RFX3: variants seen among roughly 807,000 people sequenced by gnomAD.
RFX3 encodes regulatory factor X3.
In RFX3, 14 loss-of-function variants were observed where a neutral mutation model predicts 98.6. That is an observed-to-expected ratio of 0.14 (90% CI 0.09 to 0.22). The LOEUF is 0.22. RFX3 is among the 10% of genes least tolerant of loss of function. RFX3 has a pLI of 1.00. For synonymous variants in RFX3, 383 were observed against 328.4 expected (o/e 1.17, Z -1.80); for missense variants, 639 against 926.9 (o/e 0.69, Z 4.03).
At chr9:3,316,313 C>G (rs1424356710) in intron 4 of RFX3, among the ~76,000 whole-genome samples, 1 of 152,102 alleles carries the variant, frequency 6.6e-6, no homozygotes, top group East Asian at 1.9e-4. Flanking sequence ...ACGCCTTTGA[C>G]AAAATTCAAT....
chr9:3,266,788 CTG>C (rs938197255), intron 11 of RFX3, among the ~76,000 whole-genome samples: 1 of 152,128 alleles, frequency 6.6e-6, no homozygotes, highest in African/African-American at 2.4e-5. Flanking sequence ...TACTTAGAAT[CTG>C]TGAATTAGAG....
intron 1 of RFX3, among the ~76,000 whole-genome samples, chr9:3,488,084 C>A (rs981131314): frequency 6.6e-6 from 1 of 152,060 alleles, no homozygotes; most frequent in Non-Finnish European, 1.5e-5. Context: ...CTTTTCCTAC[C>A]ACTCCCGTTC....
chr9:3,312,547 G>A (rs530528427), intron 4 of RFX3, among the ~76,000 whole-genome samples: 4 of 151,670 alleles, frequency 2.6e-5, no homozygotes, highest in Non-Finnish European at 4.4e-5. Context: ...AGAGATTCGG[G>A]ATAAACTGTT....
At chr9:3,345,610 T>C (rs780405538) in intron 3 of RFX3, among the ~76,000 whole-genome samples, 1 of 152,130 alleles carries the variant, frequency 6.6e-6, no homozygotes, top group Non-Finnish European at 1.5e-5. Flanking sequence ...AAGAGTGAAA[T>C]TATTCTCCTT....
At chr9:3,315,797 C>A (rs947358757) in intron 4 of RFX3, among the ~76,000 whole-genome samples, 4 of 152,142 alleles carry the variant, frequency 2.6e-5, no homozygotes, top group Admixed American at 2.6e-4. Context: ...AATTCCTGGA[C>A]ACATACACCC....
In RFX3 at chr9:3,223,447, T is replaced by G. The variant is rs550511092; in HGVS notation, c.*1595A>C. ...GACTGAAAAGATGCACTTCGATAAG[T>G]ACCTGCTTACTTTGTTAACTTTCTA... On this transcript the variant is annotated 3_prime_UTR_variant, in exon 17 of 17. Coordinates refer to ENST00000617270, the MANE Select transcript of RFX3 (RefSeq NM_001282116.2). 6.6e-6 allele frequency: 1 copy of G among 152,332 alleles called. No individual in the cohort carries two copies. Among genetic ancestry groups the G allele is most frequent in the East Asian group, 1.9e-4 (1 of 5,174 alleles). 9.4% of individuals were successfully genotyped at this position (152,332 alleles called of 1,614,324 possible).
At chr9:3,323,042 C>G (rs1831490111) in intron 4 of RFX3, among the ~76,000 whole-genome samples, 1 of 152,150 alleles carries the variant, frequency 6.6e-6, no homozygotes, top group Non-Finnish European at 1.5e-5. Flanking sequence ...TTACAAAACT[C>G]CTATGTCATG....
chr9:3,520,789 C>T (rs377705919), intron 1 of RFX3, among the ~76,000 whole-genome samples: 66 of 152,282 alleles, frequency 4.3e-4, no homozygotes, highest in African/African-American at 1.3e-3. Flanking sequence ...ATTCTCTCAC[C>T]TCAGTCTCCT....
At chr9:3,473,614 C>T (rs1848969371) in intron 1 of RFX3, among the ~76,000 whole-genome samples, 2 of 152,184 alleles carry the variant, frequency 1.3e-5, no homozygotes, top group African/African-American at 4.8e-5. Context: ...CAGATGCCCA[C>T]AGAATACTGA....
chr9:3,427,381 T>C (rs1458770420), intron 1 of RFX3, among the ~76,000 whole-genome samples: 2 of 142,128 alleles, frequency 1.4e-5, no homozygotes, highest in African/African-American at 2.6e-5. Flanking sequence ...TGTTATTATA[T>C]AATAATACAA....
rs997823670 is a variant in RFX3 at position 3,434,286 on chromosome 9, G to A, written c.-8-38690C>T. ...AAATATTTAAGAAATGAACAAATAC[G>A]CTTCTAACAGAATATACCACTCTGC... On this transcript the variant is annotated intron_variant, in intron 1 of 16. Transcript: ENST00000617270. 7.2e-5 allele frequency among the ~76,000 whole-genome samples: 11 copies of A among 151,984 alleles called. No homozygotes were observed. In the East Asian group the frequency reaches 9.6e-4, roughly 13 times the overall value.
intron 1 of RFX3, among the ~76,000 whole-genome samples, chr9:3,514,658 A>G (rs1406887952): frequency 2.6e-5 from 4 of 152,164 alleles, no homozygotes; most frequent in Admixed American, 2.6e-4. Context: ...TATGTTGCCC[A>G]CACTAGTCTT....
rs1288255611 is a variant in RFX3, at chr9:3,493,700, AATATATATAT to A, written c.-9+32037_-9+32046del. On this transcript the variant is annotated intron_variant, in intron 1 of 16. Coordinates refer to ENST00000617270, the MANE Select transcript of RFX3 (RefSeq NM_001282116.2). Reference sequence around the variant, plus strand: ...CTCATCTCAAAAAAAAAAAAAAAAAAATATATATATATATATATATATATATACATACATA... The same window carrying A: ...CTCATCTCAAAAAAAAAAAAAAAAAAATATATATATATATATACATACATA... 9.8e-5 allele frequency among the ~76,000 whole-genome samples: 7 copies of A among 71,778 alleles called. 1 individual carries two copies. The highest frequency in any genetic ancestry group is 2.9e-4 in the African/African-American group (5 of 16,970). The allele number at this position is 71,778 out of a possible 152,430, so 47.1% of individuals were successfully genotyped here. A position where few individuals can be genotyped will look rare whatever the true frequency, so the allele number is the denominator to read the frequency against.
In RFX3 at chr9:3,333,468, T is replaced by A. The variant is rs147771713; in HGVS notation, c.216-2951A>T. Reference sequence around the variant, plus strand: ...TTTTTTTTTTCCAGATAGAAAAATGTCACTTAAAATACACGTACCATTCTT... The same window carrying A: ...TTTTTTTTTTCCAGATAGAAAAATGACACTTAAAATACACGTACCATTCTT... On this transcript the variant is annotated intron_variant, in intron 3 of 16. Transcript: ENST00000617270. 6.0e-3 allele frequency among the ~76,000 whole-genome samples: 909 copies of A among 150,328 alleles called. 3 individuals are homozygous for A. Among genetic ancestry groups the A allele is most frequent in the Non-Finnish European group, 9.9e-3 (670 of 67,660 alleles).
chr9:3,364,689 C>T (rs1836840038), intron 2 of RFX3: 1 of 157,908 alleles, frequency 6.3e-6, no homozygotes, highest in Non-Finnish European at 1.4e-5. Context: ...CATTTGCTGA[C>T]TTCAGGTTTG....
At chr9:3,324,752 CA>C (rs1831715332) in intron 4 of RFX3, among the ~76,000 whole-genome samples, 1 of 152,014 alleles carries the variant, frequency 6.6e-6, no homozygotes, top group South Asian at 2.1e-4. Flanking sequence ...CACCTGAGGT[CA>C]GGAGTTTGAG....
chr9:3,388,709 A>G (rs976932655), intron 2 of RFX3, among the ~76,000 whole-genome samples: 2 of 152,148 alleles, frequency 1.3e-5, no homozygotes, highest in Admixed American at 1.3e-4. Flanking sequence ...AAACTCTCTG[A>G]GTCCCTTAGC....
Position 3,368,609 on chromosome 9 carries a change from G to A in RFX3, c.118-21845C>T, listed in dbSNP as rs373759088. Among the ~76,000 whole-genome samples, 12 of 152,166 alleles carry A rather than the reference G, an allele frequency of 7.9e-5. No individual in the cohort carries two copies. The South Asian group carries it at 1.2e-3, about 16-fold the overall frequency. ...TTAACTGATTTTCTTTGACATCTCC[G>A]TGGTTTTTGGCTTAGTAAACAAAAG... On this transcript the variant is annotated intron_variant, in intron 2 of 16. Coordinates refer to ENST00000617270, the MANE Select transcript of RFX3 (RefSeq NM_001282116.2).
At position 3,452,849 on chromosome 9, in the gene RFX3, A is replaced by T. The variant is rs115112108; in HGVS notation, c.-8-57253T>A. Among the ~76,000 whole-genome samples, 952 of 152,296 alleles carry T rather than the reference A, an allele frequency of 6.3e-3. 17 individuals are homozygous for T. Among genetic ancestry groups the T allele is most frequent in the African/African-American group, 0.022 (895 of 41,562 alleles). Reference sequence around the variant, plus strand: ...CCTTTGTATCTGCTATCTGTGTATTATCTCTTTTTAATATAGTACCATAGA... The same window carrying T: ...CCTTTGTATCTGCTATCTGTGTATTTTCTCTTTTTAATATAGTACCATAGA... On this transcript the variant is annotated intron_variant, in intron 1 of 16. Coordinates refer to ENST00000617270, the MANE Select transcript of RFX3 (RefSeq NM_001282116.2).
Sources: gnomAD v4.1 joint callset for allele counts (sites outside exome capture counted in the v4.1 genomes callset) on GRCh38, gnomAD v4.1.1 for gene constraint, MANE v1.5 for transcripts, NCBI Gene and HGNC (gene_info 2026-07-23, HGNC 2026-07-21) for gene names.